CNKSR2: variants seen among roughly 807,000 people sequenced by gnomAD.
CNKSR2 encodes connector enhancer of kinase suppressor of Ras 2, also known as CNK homolog protein 2.
Under a neutral mutation model 84.4 loss-of-function variants are expected in CNKSR2, and 14 were observed. The ratio of observed to expected loss-of-function variants is 0.17; its 90% CI spans 0.11 to 0.26. CNKSR2 has a LOEUF of 0.26. Among genes scored for constraint, CNKSR2 ranks in the 10% least tolerant of loss-of-function variants. The probability of loss-of-function intolerance (pLI) is 1.00; values close to 1 mark genes in which losing one functional copy is unlikely to be tolerated. For synonymous variants in CNKSR2, 275 were observed against 277.9 expected, an observed-to-expected ratio of 0.99 and a Z score of 0.10; for missense variants, 485 against 771.2, an observed-to-expected ratio of 0.63 and a Z score of 4.40.
chrX:21,522,780 A>G (rs970822138), intron 9 of CNKSR2, among the ~76,000 whole-genome samples: 2 of 110,903 alleles, frequency 1.8e-5, no homozygotes, highest in Non-Finnish European at 3.8e-5. Flanking sequence ...TACAATCACA[A>G]TCTTCCAATG....
chrX:21,489,602 T>TA, intron 5 of CNKSR2, among the ~76,000 whole-genome samples: 1 of 112,023 alleles, frequency 8.9e-6, no homozygotes, highest in East Asian at 2.8e-4. Context: ...GTGTAAGCCT[T>TA]AAAATACCAT....
intron 20 of CNKSR2, among the ~76,000 whole-genome samples, chrX:21,621,434 C>T (rs999522506): frequency 3.6e-5 from 4 of 111,440 alleles, no homozygotes; most frequent in African/African-American, 1.3e-4. Flanking sequence ...TTTAGAATCT[C>T]AGTTTTATCA....
At chrX:21,384,594 A>C (rs1001855155) in intron 1 of CNKSR2, among the ~76,000 whole-genome samples, 2 of 111,985 alleles carry the variant, frequency 1.8e-5, no homozygotes, top group African/African-American at 3.2e-5. Context: ...ATTACTGTTA[A>C]TATGTGAAGG....
At chrX:21,583,818 C>G (rs1490352751) in intron 13 of CNKSR2, among the ~76,000 whole-genome samples, 1 of 111,522 alleles carries the variant, frequency 9.0e-6, no homozygotes, top group African/African-American at 3.3e-5. Context: ...CCACACTTCT[C>G]CATCCAAAAG....
chrX:21,450,199 A>G (rs1206801159), intron 4 of CNKSR2, among the ~76,000 whole-genome samples: 1 of 111,095 alleles, frequency 9.0e-6, no homozygotes, highest in Non-Finnish European at 1.9e-5. Flanking sequence ...CCAAGCACAA[A>G]ATTCTGGTTA....
intron 2 of CNKSR2, chrX:21,428,317 A>G (rs979414440): frequency 7.1e-5 from 8 of 112,173 alleles, no homozygotes; most frequent in African/African-American, 2.3e-4. Context: ...ATAAAGGAAG[A>G]CATAGAAAAA....
intron 13 of CNKSR2, among the ~76,000 whole-genome samples, chrX:21,574,314 G>T (rs2092305221): frequency 9.0e-6 from 1 of 111,469 alleles, no homozygotes. Context: ...TGCATTTTTG[G>T]GTATCCTTAT....
chrX:21,612,656 A>C (rs1275426274), intron 20 of CNKSR2, among the ~76,000 whole-genome samples: 1 of 112,313 alleles, frequency 8.9e-6, no homozygotes, highest in Admixed American at 9.4e-5. Context: ...CCTCTTTCTT[A>C]TCATTTACGT....
intron 4 of CNKSR2, among the ~76,000 whole-genome samples, chrX:21,454,287 C>T (rs774909242): frequency 4.5e-5 from 5 of 111,830 alleles, no homozygotes; most frequent in Middle Eastern, 4.6e-3. Context: ...TCTGAAATTT[C>T]GGTTTCCTAA....
At chrX:21,577,531 G>A (rs2092326777) in intron 13 of CNKSR2, among the ~76,000 whole-genome samples, 1 of 110,957 alleles carries the variant, frequency 9.0e-6, no homozygotes, top group African/African-American at 3.3e-5. Flanking sequence ...TGATCAGAGA[G>A]CGTAAAGAAG....
intron 8 of CNKSR2, 112 bp downstream of exon 8, chrX:21,501,700 C>T (rs766977512): frequency 2.7e-6 from 1 of 366,931 alleles, no homozygotes; most frequent in Non-Finnish European, 4.7e-6. Context: ...TATTGAACAG[C>T]CTTTTGAAAA....
rs2092417144 is a variant in CNKSR2 at position 21,590,997 on chromosome X, T to C, written c.1658-25T>C. 2.6e-6 allele frequency: 3 copies of C among 1,163,231 alleles called. No homozygotes were observed. The South Asian group carries it at 6.1e-5, about 24-fold the overall frequency. On this transcript the variant is annotated intron_variant, in intron 14 of 21. Transcript: ENST00000379510. ...CTCTACTTTCATACCTTTGACAAAA[T>C]TGAAAGAGCATTTCCACCCTTTAGG...
chrX:21,382,142 C>T (rs1311352828), intron 1 of CNKSR2, among the ~76,000 whole-genome samples: 1 of 111,519 alleles, frequency 9.0e-6, no homozygotes, highest in African/African-American at 3.3e-5. Flanking sequence ...TGACAATGCA[C>T]GTAAAGTCCC....
intron 20 of CNKSR2, chrX:21,641,571 C>G (rs1424818394): frequency 8.5e-7 from 1 of 1,173,525 alleles, no homozygotes; most frequent in Non-Finnish European, 1.1e-6. Flanking sequence ...CTCTCCATGC[C>G]AAATCGGATC....
chrX:21,515,041 T>TA (rs111880925), intron 8 of CNKSR2, among the ~76,000 whole-genome samples: 1,980 of 104,518 alleles, frequency 0.019, 38 homozygotes, highest in African/African-American at 0.058. Flanking sequence ...TAATGTGATT[T>TA]AAAAAAAAAA....
At chrX:21,440,869 A>G (rs1349308089) in intron 4 of CNKSR2, 88 bp downstream of exon 4, 8 of 510,692 alleles carry the variant, frequency 1.6e-5, no homozygotes, top group Non-Finnish European at 2.2e-5. Context: ...AAGAGTTTTT[A>G]AGATACTGGT....
At chrX:21,646,762 C>T (rs2092707884) in intron 20 of CNKSR2, among the ~76,000 whole-genome samples, 1 of 111,344 alleles carries the variant, frequency 9.0e-6, no homozygotes, top group East Asian at 2.8e-4. Flanking sequence ...CATTTTCTAC[C>T]CCACCCTCTA....
intron 5 of CNKSR2, 45 bp downstream of exon 5, chrX:21,470,852 C>A: frequency 2.7e-6 from 2 of 730,703 alleles, no homozygotes; most frequent in Non-Finnish European, 4.0e-6. Flanking sequence ...GAGGATATTT[C>A]CTTGTTCAAC....
chrX:21,472,765 C>T (rs1186898071), intron 5 of CNKSR2, among the ~76,000 whole-genome samples: 1 of 110,690 alleles, frequency 9.0e-6, no homozygotes, highest in African/African-American at 3.3e-5. Context: ...TCAGATTCTA[C>T]CATATGACAG....
Sources: allele counts gnomAD v4.1 joint callset (sites outside exome capture counted in the v4.1 genomes callset), GRCh38; gene constraint gnomAD v4.1.1; transcripts MANE v1.5; gene names NCBI Gene and HGNC (gene_info 2026-07-23, HGNC 2026-07-21).